ANKRD30B: variants seen among roughly 807,000 people sequenced by gnomAD.
The protein encoded by ANKRD30B is ankyrin repeat domain 30B.
In ANKRD30B, 144 loss-of-function variants were observed where a neutral mutation model predicts 202.2. The observed-to-expected ratio is 0.71, with a 90% CI of 0.62 to 0.82. The LOEUF is 0.82. Among genes scored for constraint, ANKRD30B ranks in the 40% least tolerant of loss-of-function variants. The pLI, the probability that ANKRD30B is intolerant of heterozygous loss-of-function variation, is 0.00. For synonymous variants in ANKRD30B, 508 were observed against 561.3 expected, an observed-to-expected ratio of 0.91 and a Z score of 1.34; for missense variants, 1,487 against 1,669.1, an observed-to-expected ratio of 0.89 and a Z score of 1.90.
chr18:14,859,181 T>A (rs1309558282), downstream of ANKRD30B, among the ~76,000 whole-genome samples: 109 of 40,420 alleles, frequency 2.7e-3, no homozygotes, highest in Admixed American at 3.8e-3. Flanking sequence ...TGGGGCGGGC[T>A]GGCAGAGGCG....
chr18:14,792,315 G>C (rs1017211495), intron 16 of ANKRD30B, among the ~76,000 whole-genome samples: 1 of 152,100 alleles, frequency 6.6e-6, no homozygotes, highest in Admixed American at 6.5e-5. Flanking sequence ...GGACAGAAAA[G>C]GGTCAGGAGA....
chr18:14,934,994 G>A, the ANKRD30B span, among the ~76,000 whole-genome samples: 1 of 150,862 alleles, frequency 6.6e-6, no homozygotes, highest in Non-Finnish European at 1.5e-5. Context: ...ACCCTCCCAG[G>A]CCCCCTCACA....
chr18:14,762,791 T>G (rs748383952), intron 6 of ANKRD30B, among the ~76,000 whole-genome samples: 7 of 152,200 alleles, frequency 4.6e-5, no homozygotes, highest in Non-Finnish European at 7.3e-5. Flanking sequence ...ATGAACTGTA[T>G]GAGCACATCT....
chr18:14,847,311 T>C (rs1971691964), intron 39 of ANKRD30B, among the ~76,000 whole-genome samples: 2 of 151,506 alleles, frequency 1.3e-5, no homozygotes, highest in African/African-American at 4.9e-5. Context: ...TCCAATCATA[T>C]ATTTTCATTT....
At chr18:14,771,090 T>C (rs1479731117) in intron 8 of ANKRD30B, among the ~76,000 whole-genome samples, 2 of 152,206 alleles carry the variant, frequency 1.3e-5, no homozygotes, top group African/African-American at 2.4e-5. Context: ...TTTGGTAACA[T>C]GCTTATGCTG....
At position 14,752,640 on chromosome 18, in the gene ANKRD30B, T is replaced by A. The variant is rs1025888744; in HGVS notation, c.296T>A (p.Leu99His). The change falls in exon 2 of 44, where the codon CTT (leucine) becomes CAT (histidine). Residue 99 changes from leucine to histidine, a missense_variant. By Grantham distance (99) the Leu-to-His change is moderately conservative (BLOSUM62 -3). Coordinates refer to ENST00000690538, the MANE Select transcript of ANKRD30B (RefSeq NM_001367607.2). ...TTTCTGGTAGACAGAAAGTGCCAGC[T>A]TAATGTCCTTGATGGCGAAGGGAGG... ...VTFLVDRKCQ[L>H]NVLDGEGRTP... 1.2e-6 allele frequency: 2 copies of A among 1,610,272 alleles called. No individual in the cohort carries two copies. Among genetic ancestry groups the A allele is most frequent in the African/African-American group, 2.7e-5 (2 of 74,864 alleles).
In ANKRD30B at chr18:14,850,370, T is replaced by A. The variant is rs1971833342; in HGVS notation, c.3552T>A (p.Ser1184Arg). Residue 1184 changes from serine (S) to arginine (R), a missense_variant, in exon 41 of 44, where the codon AGT (serine) becomes AGA (arginine). Around this residue, in one of 6 missense-constraint regions of ANKRD30B, gnomAD observed 177 missense variants for 216.4 expected, o/e 0.82. Transcript: ENST00000690538. The stretch of plus-strand genomic sequence containing the variant: ...ATATAGAATTGAAAAGTGTAACAAG[T>A]AATTTGAATCAGGTAAATCAATCTC... ...IQDIELKSVT[S>R]NLNQVSHTHE... The A allele has an allele frequency of 1.3e-6, 2 of 1,548,894 alleles. No homozygotes were observed. Among genetic ancestry groups the A allele is most frequent in the Non-Finnish European group, 8.7e-7 (1 of 1,154,354 alleles).
chr18:14,922,833 A>G, the ANKRD30B span, among the ~76,000 whole-genome samples: 1 of 152,174 alleles, frequency 6.6e-6, no homozygotes, highest in Admixed American at 6.5e-5. Context: ...AAGCCGAGGC[A>G]GATCAGCTCA....
At chr18:14,823,565 A>T (rs1320481012) in intron 32 of ANKRD30B, among the ~76,000 whole-genome samples, 1 of 152,038 alleles carries the variant, frequency 6.6e-6, no homozygotes, top group Non-Finnish European at 1.5e-5. Flanking sequence ...GTGTTTTAGA[A>T]GCGTGACTCT....
At chr18:14,773,727 C>G (rs566899869) in intron 9 of ANKRD30B, among the ~76,000 whole-genome samples, 4 of 147,902 alleles carry the variant, frequency 2.7e-5, no homozygotes, top group African/African-American at 1.0e-4. Context: ...GTGATCTCGG[C>G]TCACTGCATC....
chr18:14,856,563 T>A (rs1204719264), downstream of ANKRD30B, among the ~76,000 whole-genome samples: 7 of 117,068 alleles, frequency 6.0e-5, no homozygotes, highest in African/African-American at 9.3e-5. Context: ...GCTCCTCACT[T>A]CCCAGATGGG....
intron 30 of ANKRD30B, among the ~76,000 whole-genome samples, chr18:14,817,417 C>T (rs903419185): frequency 3.9e-5 from 6 of 152,186 alleles, no homozygotes; most frequent in African/African-American, 1.2e-4. Context: ...CTGCTTCCTT[C>T]CTCTGCATGG....
chr18:14,755,490 C>T (rs1457205738), intron 4 of ANKRD30B, among the ~76,000 whole-genome samples: 2 of 151,804 alleles, frequency 1.3e-5, no homozygotes, highest in South Asian at 2.1e-4. Flanking sequence ...TGTTGGTGGG[C>T]TGCACCCATT....
intron 15 of ANKRD30B, among the ~76,000 whole-genome samples, chr18:14,789,694 T>C (rs1264002042): frequency 1.3e-5 from 2 of 152,328 alleles, no homozygotes; most frequent in South Asian, 2.1e-4. Context: ...AAAGATCAGA[T>C]AGTTCTAGAT....
intron 16 of ANKRD30B, among the ~76,000 whole-genome samples, chr18:14,792,790 C>G (rs1568016922): frequency 6.6e-6 from 1 of 151,554 alleles, no homozygotes; most frequent in African/African-American, 2.4e-5. Flanking sequence ...ATAAGATATA[C>G]TAGAATGTAA....
chr18:14,788,209 A>T (rs979573878), intron 15 of ANKRD30B, among the ~76,000 whole-genome samples: 4 of 152,148 alleles, frequency 2.6e-5, no homozygotes, highest in Non-Finnish European at 5.9e-5. Context: ...TTGAAATGTC[A>T]TTTATTTTTG....
At chr18:14,825,561 C>A (rs1598683589) in intron 32 of ANKRD30B, among the ~76,000 whole-genome samples, 1 of 151,796 alleles carries the variant, frequency 6.6e-6, no homozygotes, top group South Asian at 2.1e-4. Context: ...CTATTGCTAC[C>A]AACTCAAAGT....
At chr18:14,917,124 C>T in the ANKRD30B span, among the ~76,000 whole-genome samples, 6 of 152,206 alleles carry the variant, frequency 3.9e-5, no homozygotes, top group Admixed American at 2.0e-4. Flanking sequence ...GCTGGACTCC[C>T]TCCCCCTGGC....
At chr18:14,817,989 A>T (rs1462087275) in intron 30 of ANKRD30B, among the ~76,000 whole-genome samples, 1 of 152,164 alleles carries the variant, frequency 6.6e-6, no homozygotes, top group East Asian at 1.9e-4. Context: ...TTGATCAATC[A>T]TCTCTGAAGG....
Sources: gnomAD v4.1 joint callset for allele counts (sites outside exome capture counted in the v4.1 genomes callset) on GRCh38, gnomAD v4.1.1 for gene constraint, gnomAD v4.1.1 regional missense constraint, MANE v1.5 for transcripts, NCBI Gene and HGNC (gene_info 2026-07-23, HGNC 2026-07-21) for gene names.